The following AGBL4 variants were observed in gnomAD, a reference collection of about 807,000 sequenced individuals.
AGBL4 encodes the protein AGBL carboxypeptidase 4.
Under a neutral mutation model 66.4 loss-of-function variants are expected in AGBL4, and 58 were observed. The ratio of observed to expected loss-of-function variants is 0.87; its 90% CI spans 0.71 to 1.09. The LOEUF (loss-of-function observed/expected upper bound fraction) is 1.09. Ranked by LOEUF, AGBL4 falls within the 50% of genes least tolerant of loss-of-function variation. AGBL4 has a pLI of 0.00. For synonymous variants in AGBL4, 234 were observed against 222.9 expected, an observed-to-expected ratio of 1.05 and a Z score of -0.44; for missense variants, 579 against 631.0, an observed-to-expected ratio of 0.92 and a Z score of 0.88.
intron 3 of AGBL4, among the ~76,000 whole-genome samples, chr1:49,694,840 T>G (rs1646954739): frequency 6.6e-6 from 1 of 152,148 alleles, no homozygotes; most frequent in Non-Finnish European, 1.5e-5. Context: ...GTAGTTTAAC[T>G]GAAGGAACAC....
At chr1:48,544,942 T>A (rs918973159) in intron 11 of AGBL4, among the ~76,000 whole-genome samples, 1 of 152,210 alleles carries the variant, frequency 6.6e-6, no homozygotes, top group Non-Finnish European at 1.5e-5. Flanking sequence ...GGAGATTTTC[T>A]AATGTAGAAC....
intron 9 of AGBL4, 105 bp from the exon 10 acceptor site, chr1:48,591,090 ACC>A (rs151241264): frequency 1.2e-3 from 605 of 523,872 alleles, no homozygotes; most frequent in East Asian, 1.9e-3. Flanking sequence ...ACACCCACCC[ACC>A]CCCCCCCACA....
At chr1:48,574,359 T>C (rs1175617322) in intron 11 of AGBL4, among the ~76,000 whole-genome samples, 2 of 152,166 alleles carry the variant, frequency 1.3e-5, no homozygotes, top group African/African-American at 2.4e-5. Context: ...GTTTGTAAAA[T>C]AGAGATAATA....
intron 3 of AGBL4, among the ~76,000 whole-genome samples, chr1:49,380,114 C>T (rs562713081): frequency 6.6e-6 from 1 of 152,108 alleles, no homozygotes; most frequent in East Asian, 1.9e-4. Context: ...ATTGGCTCAG[C>T]CCAAAATCTC....
intron 6 of AGBL4, among the ~76,000 whole-genome samples, chr1:48,735,157 A>C (rs1047344368): frequency 1.3e-5 from 2 of 152,258 alleles, no homozygotes; most frequent in Admixed American, 6.5e-5. Context: ...AAAACCCCTA[A>C]ATCCTGAAAC....
chr1:49,068,273 C>T (rs1229033663), intron 4 of AGBL4, among the ~76,000 whole-genome samples: 2 of 151,412 alleles, frequency 1.3e-5, no homozygotes, highest in African/African-American at 2.4e-5. Context: ...GGTACATGTG[C>T]ACAACGTGCA....
At chr1:49,146,887 A>G (rs528456268) in intron 4 of AGBL4, among the ~76,000 whole-genome samples, 19 of 152,388 alleles carry the variant, frequency 1.2e-4, no homozygotes, top group African/African-American at 4.1e-4. Flanking sequence ...GGTAGCAGTG[A>G]GCAGCCAGGG....
intron 3 of AGBL4, among the ~76,000 whole-genome samples, chr1:49,273,592 TATA>T (rs1381314753): frequency 6.6e-6 from 1 of 150,990 alleles, no homozygotes; most frequent in Admixed American, 6.6e-5. Flanking sequence ...ATATTAATAA[TATA>T]ATATGAAGGA....
At chr1:48,767,798 G>C (rs1284752476) in intron 6 of AGBL4, among the ~76,000 whole-genome samples, 1 of 152,138 alleles carries the variant, frequency 6.6e-6, no homozygotes, top group Non-Finnish European at 1.5e-5. Flanking sequence ...TTCACTTCTG[G>C]ACTCTTTTAT....
intron 4 of AGBL4, among the ~76,000 whole-genome samples, chr1:49,182,736 T>A (rs889347930): frequency 6.6e-6 from 1 of 152,104 alleles, no homozygotes; most frequent in Non-Finnish European, 1.5e-5. Context: ...AAAGAGGAGA[T>A]CATTATTATT....
intron 1 of AGBL4, among the ~76,000 whole-genome samples, chr1:49,877,008 T>A (rs1286635539): frequency 6.6e-6 from 1 of 151,834 alleles, no homozygotes; most frequent in African/African-American, 2.4e-5. Context: ...ACATTGATTT[T>A]GTATCCTGAG....
chr1:49,611,335 G>A (rs920367529), intron 3 of AGBL4, among the ~76,000 whole-genome samples: 3 of 151,640 alleles, frequency 2.0e-5, no homozygotes, highest in South Asian at 4.2e-4. Flanking sequence ...TCTAAAACAC[G>A]GTGAATAGCC....
chr1:49,348,314 A>T (rs539092036), intron 3 of AGBL4, among the ~76,000 whole-genome samples: 57 of 152,274 alleles, frequency 3.7e-4, no homozygotes, highest in African/African-American at 1.3e-3. Context: ...GCTACTGGGT[A>T]GGCTGAGGCA....
intron 3 of AGBL4, among the ~76,000 whole-genome samples, chr1:49,605,261 C>T (rs1645042973): frequency 6.6e-6 from 1 of 152,096 alleles, no homozygotes; most frequent in Non-Finnish European, 1.5e-5. Flanking sequence ...AAAGGAAGTG[C>T]TAAAATTCTA....
intron 5 of AGBL4, among the ~76,000 whole-genome samples, chr1:48,986,671 T>G (rs1051326892): frequency 6.6e-6 from 1 of 152,038 alleles, no homozygotes; most frequent in Non-Finnish European, 1.5e-5. Flanking sequence ...TGCTTCGAGC[T>G]GAAAGAAAAT....
At chr1:49,826,182 A>G (rs1571650792) in intron 2 of AGBL4, among the ~76,000 whole-genome samples, 1 of 152,174 alleles carries the variant, frequency 6.6e-6, no homozygotes, top group African/African-American at 2.4e-5. Context: ...ATTAATAAAA[A>G]ACAAAAACCC....
intron 6 of AGBL4, among the ~76,000 whole-genome samples, chr1:48,695,662 G>C (rs1410662877): frequency 6.6e-6 from 1 of 152,124 alleles, no homozygotes; most frequent in African/African-American, 2.4e-5. Context: ...CTGGTACAGG[G>C]GAGCAGTGCT....
At chr1:49,846,095 C>T in intron 2 of AGBL4, 1 of 1,535,162 alleles carries the variant, frequency 6.5e-7, no homozygotes, top group Non-Finnish European at 9.0e-7. Flanking sequence ...TGAATGTAAC[C>T]AGTGTAGCCA....
At chr1:49,738,539 A>G (rs1199143741) in intron 2 of AGBL4, among the ~76,000 whole-genome samples, 1 of 152,226 alleles carries the variant, frequency 6.6e-6, no homozygotes, top group Non-Finnish European at 1.5e-5. Flanking sequence ...TCCCTGTCTG[A>G]CAGCTTTGAA....
Sources: allele counts gnomAD v4.1 joint callset (sites outside exome capture counted in the v4.1 genomes callset), GRCh38; gene constraint gnomAD v4.1.1; transcripts MANE v1.5; gene names NCBI Gene and HGNC (gene_info 2026-07-23, HGNC 2026-07-21).